TMEM114: variants seen among roughly 807,000 people sequenced by gnomAD.
The protein encoded by TMEM114 is claudin-26.
Under a neutral mutation model 6.2 loss-of-function variants are expected in TMEM114, and 6 were observed. The ratio of observed to expected loss-of-function variants is 0.97; its 90% confidence interval spans 0.53 to 1.91. The LOEUF is 1.91. TMEM114 is among the 40% of genes most tolerant of loss of function. TMEM114 has a pLI of 0.01. For synonymous variants in TMEM114, 104 were observed against 73.0 expected, an observed-to-expected ratio of 1.42 and a Z score of -2.16; for missense variants, 218 against 158.3, an observed-to-expected ratio of 1.38 and a Z score of -2.02.
At chr16:8,532,406 G>A in the TMEM114 span, among the ~76,000 whole-genome samples, 2 of 152,050 alleles carry the variant, frequency 1.3e-5, no homozygotes, top group African/African-American at 4.8e-5. Context: ...AAAACTTCTA[G>A]GACTTCTGAA....
the TMEM114 span, among the ~76,000 whole-genome samples, chr16:8,531,412 TC>T: frequency 6.6e-6 from 1 of 152,216 alleles, no homozygotes; most frequent in East Asian, 1.9e-4. Flanking sequence ...AAGAAGTGTT[TC>T]AGCTGGGAAA....
intron 2 of TMEM114, among the ~76,000 whole-genome samples, chr16:8,541,396 A>G (rs1045445305): frequency 6.6e-6 from 1 of 152,122 alleles, no homozygotes; most frequent in African/African-American, 2.4e-5. Flanking sequence ...CTCCCCAAGC[A>G]CTACTGGATA....
At chr16:8,583,440 G>A (rs1419305526) in intron 2 of TMEM114, among the ~76,000 whole-genome samples, 1 of 152,130 alleles carries the variant, frequency 6.6e-6, no homozygotes, top group East Asian at 1.9e-4. Flanking sequence ...GGATGCAGGT[G>A]ACTCATCAGA....
intron 2 of TMEM114, among the ~76,000 whole-genome samples, chr16:8,585,888 A>T (rs1902302888): frequency 6.6e-6 from 1 of 152,184 alleles, no homozygotes; most frequent in African/African-American, 2.4e-5. Context: ...ATAAGGAAAT[A>T]AGGAAAGGCC....
At chr16:8,584,853 C>T (rs2141700768) in intron 2 of TMEM114, among the ~76,000 whole-genome samples, 1 of 138,010 alleles carries the variant, frequency 7.2e-6, no homozygotes, top group South Asian at 2.5e-4. Flanking sequence ...ATCCAGGAGG[C>T]GGAGGTTGCA....
chr16:8,572,069 G>T lies in TMEM114; in HGVS notation c.439+18C>A. 6.5e-7 allele frequency: 1 copy of T among 1,528,076 alleles called. No individual in the cohort carries two copies. Among genetic ancestry groups the T allele is most frequent in the Non-Finnish European group, 8.8e-7 (1 of 1,135,626 alleles). The allele number at this position is 1,528,076 out of a possible 1,614,324, so 94.7% of individuals were successfully genotyped here. A position where few individuals can be genotyped will look rare whatever the true frequency, so the allele number is the denominator to read the frequency against. The stretch of plus-strand genomic sequence containing the variant: ...CCCCAGACCACAAGCCAGAGCCCTA[G>T]GCAGGGTGGGCACCTACCTCCAAAG... On this transcript the variant is annotated intron_variant, in intron 3 of 3. Coordinates refer to ENST00000620492, the MANE Select transcript of TMEM114 (RefSeq NM_001146336.2).
chr16:8,577,718 G>C (rs192329774), intron 2 of TMEM114, among the ~76,000 whole-genome samples: 2 of 151,996 alleles, frequency 1.3e-5, no homozygotes, highest in Non-Finnish European at 2.9e-5. Context: ...TGAGGAGCTG[G>C]GACTATAGGC....
chr16:8,582,582 A>G (rs368106905), intron 2 of TMEM114, among the ~76,000 whole-genome samples: 13 of 152,342 alleles, frequency 8.5e-5, no homozygotes, highest in East Asian at 5.8e-4. Context: ...CATTGCTTCA[A>G]TGGAGTAGAA....
downstream of TMEM114, among the ~76,000 whole-genome samples, chr16:8,534,429 G>A (rs1900297740): frequency 6.6e-6 from 1 of 152,168 alleles, no homozygotes; most frequent in East Asian, 1.9e-4. Flanking sequence ...TGAGAAGTGG[G>A]AGCAGGTGGA....
At chr16:8,540,380 C>G (rs1445444094) in intron 2 of TMEM114, among the ~76,000 whole-genome samples, 1 of 152,148 alleles carries the variant, frequency 6.6e-6, no homozygotes, top group East Asian at 1.9e-4. Flanking sequence ...TTATATCAAC[C>G]TCAGTTTCCT....
intron 2 of TMEM114, among the ~76,000 whole-genome samples, chr16:8,554,392 C>G (rs1278105301): frequency 6.6e-6 from 1 of 151,794 alleles, no homozygotes; most frequent in Non-Finnish European, 1.5e-5. Context: ...AACTCTGTCT[C>G]TAATAATAAT....
intron 2 of TMEM114, among the ~76,000 whole-genome samples, chr16:8,545,457 T>TCATCATCAC (rs987390105): frequency 2.0e-5 from 3 of 152,124 alleles, no homozygotes. Flanking sequence ...ATCATCATCA[T>TCATCATCAC]CATCATCACC....
At chr16:8,560,093 C>A (rs1249914209) in intron 2 of TMEM114, among the ~76,000 whole-genome samples, 1 of 152,118 alleles carries the variant, frequency 6.6e-6, no homozygotes, top group Non-Finnish European at 1.5e-5. Flanking sequence ...ACCTCCTAGG[C>A]TCAATTCCCC....
chr16:8,561,307 C>A (rs1293803116), intron 2 of TMEM114, among the ~76,000 whole-genome samples: 1 of 152,202 alleles, frequency 6.6e-6, no homozygotes, highest in East Asian at 1.9e-4. Context: ...TTTCTGGTCT[C>A]TCAAAAGACT....
chr16:8,587,894 A>C (rs1052588999), intron 2 of TMEM114, among the ~76,000 whole-genome samples: 2 of 151,758 alleles, frequency 1.3e-5, no homozygotes, highest in African/African-American at 4.8e-5. Context: ...TCACACCTGA[A>C]ATCCCAAGAC....
chr16:8,543,375 T>C (rs1900571467), intron 2 of TMEM114, among the ~76,000 whole-genome samples: 1 of 152,074 alleles, frequency 6.6e-6, no homozygotes, highest in Admixed American at 6.5e-5. Flanking sequence ...GTGTGGCACT[T>C]GCTTGTTACC....
rs1409319481 is a variant in TMEM114, at chr16:8,584,940, A to AAAAAAAG, written c.301+4272_301+4273insCTTTTTT. On this transcript the variant is annotated intron_variant, in intron 2 of 3. Transcript: ENST00000620492. ...GCCGTCTCAAAAAAAAAAAAAAAAAAAAGAAGAAGAAGAAGAAAAGAAAAG... is the reference window on the plus strand; with the variant it reads ...GCCGTCTCAAAAAAAAAAAAAAAAAAAAAAAAGAAGAAGAAGAAGAAGAAAAGAAAAG... Among the ~76,000 whole-genome samples, 122 of 146,756 alleles carry AAAAAAAG rather than the reference A, an allele frequency of 8.3e-4. 2 individuals are homozygous for AAAAAAAG. The highest frequency in any genetic ancestry group is 9.9e-4 in the Non-Finnish European group (66 of 66,688).
At chr16:8,584,922 CAAAAAA>C (rs905674847) in intron 2 of TMEM114, among the ~76,000 whole-genome samples, 1 of 49,206 alleles carries the variant, frequency 2.0e-5, no homozygotes, top group Admixed American at 2.4e-4. Flanking sequence ...AACGCCGTCT[CAAAAAA>C]AAAAAAAAAA....
intron 2 of TMEM114, among the ~76,000 whole-genome samples, chr16:8,541,746 C>G (rs1036004798): frequency 1.3e-5 from 2 of 151,910 alleles, no homozygotes; most frequent in African/African-American, 2.4e-5. Context: ...TAAAGAGAAC[C>G]CAACATAAGC....
Sources: allele counts gnomAD v4.1 joint callset (sites outside exome capture counted in the v4.1 genomes callset), GRCh38; gene constraint gnomAD v4.1.1; transcripts MANE v1.5; gene names NCBI Gene and HGNC (gene_info 2026-07-23, HGNC 2026-07-21).